Variants in ASTN1 observed in about 807,000 individuals in gnomAD.
The protein encoded by ASTN1 is astrotactin 1.
In ASTN1, 41 loss-of-function variants were observed where a neutral mutation model predicts 140.7. The ratio of observed to expected loss-of-function variants is 0.29; its 90% CI spans 0.23 to 0.38. ASTN1 has a LOEUF of 0.38. Among genes scored for constraint, ASTN1 ranks in the 10% least tolerant of loss-of-function variants. The probability of loss-of-function intolerance (pLI) is 1.00; values close to 1 mark genes in which losing one functional copy is unlikely to be tolerated. For missense variants in ASTN1, 1,479 were observed against 1,678.8 expected (o/e 0.88, Z 2.08); for synonymous variants, 640 against 652.2 (o/e 0.98, Z 0.29).
At chr1:176,857,531 A>G (rs934975222), downstream of ASTN1, 70 of 472,548 alleles carry the variant, frequency 1.5e-4, no homozygotes, top group Non-Finnish European at 1.0e-4. Context: ...GACAGAGGTC[A>G]TGAAGGAGAT....
At chr1:177,075,030 C>T (rs895939272) in intron 1 of ASTN1, among the ~76,000 whole-genome samples, 1 of 152,066 alleles carries the variant, frequency 6.6e-6, no homozygotes, top group South Asian at 2.1e-4. Context: ...ACACCCATTG[C>T]TTTATATACA....
intron 2 of ASTN1, among the ~76,000 whole-genome samples, chr1:177,037,664 G>A (rs1430440260): frequency 1.3e-5 from 2 of 152,168 alleles, no homozygotes; most frequent in Non-Finnish European, 2.9e-5. Context: ...AACACTGACT[G>A]TAAGCACTGG....
In ASTN1 at chr1:176,864,590, T is replaced by C. The variant is rs1016193585; in HGVS notation, c.3648-69A>G. The C allele has an allele frequency of 8.9e-6, 14 of 1,571,078 alleles. 1 individual carries two copies. Among genetic ancestry groups the C allele is most frequent in the East Asian group, 2.3e-5 (1 of 44,358 alleles). ...GGGTCTGGATGAGCACAGCTACTGT[T>C]AGTGTGAGACTCTAAACTTCAAGAG... On this transcript the variant is annotated intron_variant, in intron 22 of 22. Transcript: ENST00000361833.
At chr1:177,090,993 T>C (rs1355206764) in intron 1 of ASTN1, among the ~76,000 whole-genome samples, 1 of 152,062 alleles carries the variant, frequency 6.6e-6, no homozygotes, top group Admixed American at 6.6e-5. Flanking sequence ...GTAACATGCA[T>C]ATGTGAGTCT....
intron 9 of ASTN1, among the ~76,000 whole-genome samples, chr1:176,960,514 C>T (rs1304022080): frequency 6.6e-6 from 1 of 152,168 alleles, no homozygotes; most frequent in African/African-American, 2.4e-5. Context: ...GACGAGGCTC[C>T]ATGCCCATCC....
chr1:176,933,770 T>C (rs531036258), intron 16 of ASTN1, among the ~76,000 whole-genome samples: 4 of 152,030 alleles, frequency 2.6e-5, no homozygotes, highest in Non-Finnish European at 4.4e-5. Flanking sequence ...CCAGGCAGAG[T>C]TGGGTGTGAC....
At chr1:177,080,283 C>G (rs983833423) in intron 1 of ASTN1, among the ~76,000 whole-genome samples, 1 of 138,872 alleles carries the variant, frequency 7.2e-6, no homozygotes, top group Non-Finnish European at 1.6e-5. Context: ...AAAAAAAAAC[C>G]GGTATCACAC....
At chr1:177,070,806 G>A (rs1448027527) in intron 1 of ASTN1, among the ~76,000 whole-genome samples, 1 of 152,076 alleles carries the variant, frequency 6.6e-6, no homozygotes, top group African/African-American at 2.4e-5. Context: ...TGGTTTTAAG[G>A]CCACTGTTGT....
At chr1:177,121,110 T>C (rs1681362877) in intron 1 of ASTN1, among the ~76,000 whole-genome samples, 1 of 151,522 alleles carries the variant, frequency 6.6e-6, no homozygotes, top group South Asian at 2.1e-4. Flanking sequence ...ATGCACTATG[T>C]AAAGTCCATG....
chr1:177,160,193 C>T (rs924130010), intron 1 of ASTN1, among the ~76,000 whole-genome samples: 6 of 152,120 alleles, frequency 3.9e-5, no homozygotes, highest in East Asian at 1.9e-4. Flanking sequence ...GACCTGAGTT[C>T]GAATGATGGA....
chr1:177,163,274 T>C (rs748808218), intron 1 of ASTN1, among the ~76,000 whole-genome samples: 11 of 152,296 alleles, frequency 7.2e-5, no homozygotes, highest in Non-Finnish European at 1.2e-4. Flanking sequence ...TGTGGTTTTC[T>C]TTGAATTTCT....
At chr1:177,116,112 T>C (rs755180324) in intron 1 of ASTN1, among the ~76,000 whole-genome samples, 1 of 152,148 alleles carries the variant, frequency 6.6e-6, no homozygotes, top group Non-Finnish European at 1.5e-5. Flanking sequence ...TCTCATCCCA[T>C]CTGACCTGAT....
chr1:177,058,620 G>A (rs989662289), intron 2 of ASTN1, among the ~76,000 whole-genome samples: 2 of 152,102 alleles, frequency 1.3e-5, no homozygotes, highest in African/African-American at 4.8e-5. Flanking sequence ...TTTCATATGG[G>A]TTGTTCTATT....
intron 14 of ASTN1, among the ~76,000 whole-genome samples, chr1:176,938,104 G>A (rs973759137): frequency 1.3e-5 from 2 of 152,152 alleles, no homozygotes; most frequent in Admixed American, 1.3e-4. Flanking sequence ...AAGGTTTTTA[G>A]TATTCTTTTC....
At chr1:177,077,734 T>C (rs946397490) in intron 1 of ASTN1, among the ~76,000 whole-genome samples, 20 of 152,162 alleles carry the variant, frequency 1.3e-4, no homozygotes, top group African/African-American at 4.6e-4. Flanking sequence ...TCAATCTTGG[T>C]GACTGTCAAC....
chr1:177,076,945 T>A (rs1439912961), intron 1 of ASTN1, among the ~76,000 whole-genome samples: 1 of 152,186 alleles, frequency 6.6e-6, no homozygotes, highest in African/African-American at 2.4e-5. Flanking sequence ...GGCCGGAGAC[T>A]GGCTCTGCTG....
chr1:176,923,786 T>C (rs553051667), intron 16 of ASTN1, among the ~76,000 whole-genome samples: 2 of 152,230 alleles, frequency 1.3e-5, no homozygotes, highest in Non-Finnish European at 2.9e-5. Flanking sequence ...AGGGGACTAC[T>C]GTATAGACAT....
intron 1 of ASTN1, among the ~76,000 whole-genome samples, chr1:177,074,746 G>A (rs1678807069): frequency 1.3e-5 from 2 of 152,108 alleles, no homozygotes; most frequent in Non-Finnish European, 1.5e-5. Flanking sequence ...GCAGCACCAG[G>A]AATTTAACTA....
intron 1 of ASTN1, among the ~76,000 whole-genome samples, chr1:177,133,787 CA>C (rs1682048593): frequency 6.6e-6 from 1 of 152,148 alleles, no homozygotes; most frequent in Admixed American, 6.5e-5. Context: ...AAATGAAACT[CA>C]AGAAGATAAC....
Sources: allele counts gnomAD v4.1 joint callset (sites outside exome capture counted in the v4.1 genomes callset), GRCh38; gene constraint gnomAD v4.1.1; transcripts MANE v1.5; gene names NCBI Gene and HGNC (gene_info 2026-07-23, HGNC 2026-07-21).